CYP7B1: variants seen among roughly 807,000 people sequenced by gnomAD.
The protein encoded by CYP7B1 is cytochrome P450 family 7 subfamily B member 1, also known as cytochrome P450 7B1.
Under a neutral mutation model 42.7 loss-of-function variants are expected in CYP7B1, and 29 were observed. The ratio of observed to expected loss-of-function variants is 0.68; its 90% confidence interval spans 0.51 to 0.93. The LOEUF (loss-of-function observed/expected upper bound fraction) is 0.93, where lower values mean the gene tolerates loss of function less well. Ranked by LOEUF, CYP7B1 falls within the 40% of genes least tolerant of loss-of-function variation. CYP7B1 has a pLI of 0.00. For synonymous variants in CYP7B1, 235 were observed against 218.2 expected (o/e 1.08, Z -0.68); for missense variants, 655 against 600.5 (o/e 1.09, Z -0.95).
rs574777007 is a variant in CYP7B1, at chr8:64,653,505, T to C, written c.123-28966A>G. Among the ~76,000 whole-genome samples, 7 of 152,308 alleles carry C rather than the reference T, an allele frequency of 4.6e-5. No homozygotes were observed. The South Asian group carries it at 1.0e-3, about 23-fold the overall frequency. ...ATGAGCTCTGAAACTGAATCAGTAGTAAATAGCCTACCAACCAAAAAAAGC... is the reference window on the plus strand; with the variant it reads ...ATGAGCTCTGAAACTGAATCAGTAGCAAATAGCCTACCAACCAAAAAAAGC... On this transcript the variant is annotated intron_variant, in intron 1 of 5. Coordinates refer to ENST00000310193, the MANE Select transcript of CYP7B1 (RefSeq NM_004820.5).
intron 1 of CYP7B1, among the ~76,000 whole-genome samples, chr8:64,773,703 C>T (rs1358216057): frequency 6.6e-6 from 1 of 152,172 alleles, no homozygotes; most frequent in East Asian, 1.9e-4. Context: ...ATTAATCTCA[C>T]AGTTCTGGAG....
intron 1 of CYP7B1, among the ~76,000 whole-genome samples, chr8:64,642,871 C>A (rs1454860444): frequency 2.0e-5 from 3 of 151,832 alleles, no homozygotes. Context: ...TGCTGTGTCC[C>A]AGAGCATATA....
At position 64,591,845 on chromosome 8, in the gene CYP7B1, TATTA is replaced by T. The variant is rs1376559100; in HGVS notation, c.*4793_*4796del. On this transcript the variant is annotated 3_prime_UTR_variant, in exon 6 of 6. Transcript: ENST00000310193. ...CATTGATATAAAACAATATTTTGGG[TATTA>T]ATTATTTATTTCTTTTAATTCAAAA... Among the ~76,000 whole-genome samples the T allele has an allele frequency of 1.3e-5, 2 of 152,148 alleles. No individual in the cohort carries two copies. Among genetic ancestry groups the T allele is most frequent in the African/African-American group, 4.8e-5 (2 of 41,422 alleles).
At chr8:64,699,452 A>G (rs1311150223) in intron 1 of CYP7B1, among the ~76,000 whole-genome samples, 1 of 152,140 alleles carries the variant, frequency 6.6e-6, no homozygotes, top group African/African-American at 2.4e-5. Context: ...TAGATCATCC[A>G]GGAATAAGGA....
chr8:64,687,058 T>G (rs922674091), intron 1 of CYP7B1, among the ~76,000 whole-genome samples: 5 of 146,646 alleles, frequency 3.4e-5, no homozygotes, highest in African/African-American at 1.0e-4. Context: ...TCTGCTGACC[T>G]TCCCTCCACT....
chr8:64,600,955 TATG>T (rs1563538451), intron 5 of CYP7B1, among the ~76,000 whole-genome samples: 1 of 152,194 alleles, frequency 6.6e-6, no homozygotes, highest in East Asian at 1.9e-4. Context: ...TGTCACTCAC[TATG>T]CCCATCAAAG....
intron 2 of CYP7B1, among the ~76,000 whole-genome samples, chr8:64,620,999 A>T (rs530688367): frequency 6.6e-6 from 1 of 152,376 alleles, no homozygotes; most frequent in South Asian, 2.1e-4. Flanking sequence ...GTATTAAAAA[A>T]AGAAAAACTG....
intron 5 of CYP7B1, among the ~76,000 whole-genome samples, chr8:64,598,574 T>G (rs2129629797): frequency 6.6e-6 from 1 of 152,306 alleles, no homozygotes; most frequent in South Asian, 2.1e-4. Context: ...TTAGCTTGGA[T>G]TATGACTTTT....
At chr8:64,642,937 T>C (rs1388747954) in intron 1 of CYP7B1, among the ~76,000 whole-genome samples, 2 of 151,832 alleles carry the variant, frequency 1.3e-5, no homozygotes, top group African/African-American at 4.8e-5. Flanking sequence ...TTTATGCTAA[T>C]ACACATACTT....
chr8:64,761,699 G>T (rs769750422), intron 1 of CYP7B1, among the ~76,000 whole-genome samples: 1 of 152,102 alleles, frequency 6.6e-6, no homozygotes, highest in South Asian at 2.1e-4. Context: ...ACCACCTAAA[G>T]ACCTACTTAG....
At chr8:64,665,340 T>C in intron 1 of CYP7B1, among the ~76,000 whole-genome samples, 1 of 152,006 alleles carries the variant, frequency 6.6e-6, no homozygotes, top group East Asian at 1.9e-4. Context: ...TTTAATGAAG[T>C]AATTTGGAAA....
At chr8:64,794,319 G>A (rs535301389) in intron 1 of CYP7B1, among the ~76,000 whole-genome samples, 3 of 152,350 alleles carry the variant, frequency 2.0e-5, no homozygotes, top group Admixed American at 1.3e-4. Flanking sequence ...CTGGAAGTCT[G>A]CACAGAGGCT....
intron 1 of CYP7B1, among the ~76,000 whole-genome samples, chr8:64,660,499 T>C (rs1251247262): frequency 1.3e-5 from 2 of 152,122 alleles, no homozygotes; most frequent in Non-Finnish European, 2.9e-5. Flanking sequence ...CAGAGCTGAG[T>C]TGTTGTAGGC....
In CYP7B1 at chr8:64,689,946, A is replaced by G. The variant is rs111833208; in HGVS notation, c.123-65407T>C. Reference sequence around the variant, plus strand: ...ACAGCTATGTAATTACTATATTAAAATATGTGTTCTCCTTTTAAATAAGGA... The same window carrying G: ...ACAGCTATGTAATTACTATATTAAAGTATGTGTTCTCCTTTTAAATAAGGA... On this transcript the variant is annotated intron_variant, in intron 1 of 5. Transcript: ENST00000310193. Among the ~76,000 whole-genome samples, 1,264 of 152,274 alleles carry G rather than the reference A, an allele frequency of 8.3e-3. 2 individuals are homozygous for G. The highest frequency in any genetic ancestry group is 0.013 in the Non-Finnish European group (878 of 68,024).
Position 64,615,676 on chromosome 8 carries a change from T to C in CYP7B1, c.850+15A>G, listed in dbSNP as rs565124431. 6.2e-7 allele frequency: 1 copy of C among 1,609,716 alleles called. No homozygotes were observed. Among genetic ancestry groups the C allele is most frequent in the Non-Finnish European group, 8.5e-7 (1 of 1,176,184 alleles). On this transcript the variant is annotated intron_variant, in intron 3 of 5. Coordinates refer to ENST00000310193, the MANE Select transcript of CYP7B1 (RefSeq NM_004820.5). ...TGATTTTATTTTAGGCAAGTGCTCA[T>C]TCAGAAGTTCTTACCTCCTATTTCA...
chr8:64,697,970 C>T (rs930393973), intron 1 of CYP7B1, among the ~76,000 whole-genome samples: 1 of 152,186 alleles, frequency 6.6e-6, no homozygotes, highest in African/African-American at 2.4e-5. Flanking sequence ...ACTGGACTTA[C>T]TGATTACGAC....
chr8:64,728,713 AACTC>A (rs2129633029), intron 1 of CYP7B1, among the ~76,000 whole-genome samples: 1 of 152,330 alleles, frequency 6.6e-6, no homozygotes, highest in South Asian at 2.1e-4. Context: ...CGTTAAGAAA[AACTC>A]AAGAGAATTA....
chr8:64,621,734 A>ATTTTTTT (rs201366655), intron 2 of CYP7B1, among the ~76,000 whole-genome samples: 1 of 132,612 alleles, frequency 7.5e-6, no homozygotes, highest in Non-Finnish European at 1.6e-5. Flanking sequence ...AATGCATACA[A>ATTTTTTT]TTTTTTTTTT....
chr8:64,615,363 G>C (rs573780638), intron 3 of CYP7B1, 131 bp from the exon 4 acceptor site: 12 of 871,832 alleles, frequency 1.4e-5, no homozygotes, highest in Non-Finnish European at 2.0e-5. Context: ...GAACCAATAG[G>C]CTTCTGAAGT....
Sources: allele counts gnomAD v4.1 joint callset (sites outside exome capture counted in the v4.1 genomes callset), GRCh38; gene constraint gnomAD v4.1.1; transcripts MANE v1.5; gene names NCBI Gene and HGNC (gene_info 2026-07-23, HGNC 2026-07-21).